Variants in ADGRD1 observed in about 807,000 individuals in gnomAD.
ADGRD1 encodes the protein adhesion G protein-coupled receptor D1.
A neutral mutation model predicts 113.4 loss-of-function variants in ADGRD1; 77 were observed. The observed-to-expected ratio is 0.68, with a 90% CI of 0.57 to 0.82. The LOEUF is 0.82. Among genes scored for constraint, ADGRD1 ranks in the 40% least tolerant of loss-of-function variants. ADGRD1 has a pLI of 0.00. For synonymous variants in ADGRD1, 474 were observed against 475.0 expected (o/e 1.00, Z 0.03); for missense variants, 1,036 against 1,139.1 (o/e 0.91, Z 1.30).
intron 13 of ADGRD1, among the ~76,000 whole-genome samples, chr12:131,058,701 C>T (rs1169296826): frequency 6.6e-6 from 1 of 152,198 alleles, no homozygotes; most frequent in Admixed American, 6.5e-5. Context: ...CCCTTCCATC[C>T]TCAGCAGTTT....
chr12:130,959,648 A>G (rs1870115388), intron 2 of ADGRD1, among the ~76,000 whole-genome samples: 1 of 152,214 alleles, frequency 6.6e-6, no homozygotes, highest in Admixed American at 6.5e-5. Context: ...AACCGCGTCA[A>G]TAAAGCTAGC....
chr12:131,123,090 TCTGTCGCCCAGG>T (rs1950643427), intron 20 of ADGRD1, among the ~76,000 whole-genome samples: 6 of 137,790 alleles, frequency 4.4e-5, no homozygotes, highest in Non-Finnish European at 9.4e-5. Flanking sequence ...GAGTCTTCGC[TCTGTCGCCCAGG>T]CTGGAGTGCA....
intron 15 of ADGRD1, among the ~76,000 whole-genome samples, chr12:131,101,377 CT>C (rs71095334): frequency 0.035 from 1,279 of 36,050 alleles, 2 homozygotes; most frequent in Admixed American, 0.055. Context: ...TTCTTTCTTT[CT>C]TTTTTTTTTT....
At chr12:131,000,268 T>C in intron 8 of ADGRD1, 115 bp from the exon 9 acceptor site, 1 of 786,402 alleles carries the variant, frequency 1.3e-6, no homozygotes, top group East Asian at 2.6e-5. Flanking sequence ...CTGCCGTGCA[T>C]AAAACTGAAC....
In ADGRD1 at chr12:131,027,855, A is replaced by G. The variant is rs1880146338; in HGVS notation, c.1473+13515A>G. On this transcript the variant is annotated intron_variant, in intron 13 of 24. Transcript: ENST00000261654. This position sits in a 1 kb window ranked among gnomAD's most constrained non-coding sequence, Gnocchi z 5.1. Reference sequence around the variant, plus strand: ...TTTTTACAAAGCGAACATACCCAAGAAATCACCCCTCAGGTCAAGAAGCAG... The same window carrying G: ...TTTTTACAAAGCGAACATACCCAAGGAATCACCCCTCAGGTCAAGAAGCAG... 6.6e-6 allele frequency: 1 copy of G among 152,228 alleles called. No homozygotes were observed. Among genetic ancestry groups the G allele is most frequent in the African/African-American group, 2.4e-5 (1 of 41,446 alleles). The allele number at this position is 152,228 out of a possible 1,614,324, so 9.4% of individuals were successfully genotyped here. A position where few individuals can be genotyped will look rare whatever the true frequency, so the allele number is the denominator to read the frequency against.
intron 13 of ADGRD1, among the ~76,000 whole-genome samples, chr12:131,048,440 G>A (rs73477387): frequency 0.019 from 2,899 of 152,282 alleles, 98 homozygotes; most frequent in African/African-American, 0.065. Flanking sequence ...GCTGTGGGGC[G>A]GCCCAGATGT....
At chr12:130,964,736 G>A (rs1870817044) in intron 2 of ADGRD1, among the ~76,000 whole-genome samples, 1 of 152,138 alleles carries the variant, frequency 6.6e-6, no homozygotes, top group Non-Finnish European at 1.5e-5. Flanking sequence ...ATCACAAACT[G>A]AATTTCCATA....
At chr12:131,012,385 G>T (rs1054149875) in intron 12 of ADGRD1, among the ~76,000 whole-genome samples, 5 of 151,990 alleles carry the variant, frequency 3.3e-5, no homozygotes, top group African/African-American at 9.7e-5. Context: ...GAGCAGTCGC[G>T]TCTGTTGTTA....
chr12:131,134,927 G>A (rs1250445226), intron 21 of ADGRD1, among the ~76,000 whole-genome samples: 1 of 152,208 alleles, frequency 6.6e-6, no homozygotes, highest in African/African-American at 2.4e-5. Context: ...AGTCTATGAG[G>A]GAGACAATCT....
chr12:130,980,377 T>G (rs1872813613), intron 4 of ADGRD1, among the ~76,000 whole-genome samples: 1 of 150,934 alleles, frequency 6.6e-6, no homozygotes, highest in South Asian at 2.1e-4. Flanking sequence ...GTGCTGGGAT[T>G]ACAGGCGTGA....
At chr12:131,033,208 G>A (rs1440648178) in intron 13 of ADGRD1, among the ~76,000 whole-genome samples, 1 of 152,214 alleles carries the variant, frequency 6.6e-6, no homozygotes, top group Non-Finnish European at 1.5e-5. Context: ...GCCGTTGGGT[G>A]GGTCCCCTGT....
At chr12:131,043,366 G>C (rs1277050415) in intron 13 of ADGRD1, among the ~76,000 whole-genome samples, 2 of 152,228 alleles carry the variant, frequency 1.3e-5, no homozygotes, top group South Asian at 2.1e-4. Context: ...AGTAGGAACC[G>C]CATCTTTGGG....
intron 13 of ADGRD1, among the ~76,000 whole-genome samples, chr12:131,032,563 G>A (rs972587446): frequency 1.3e-5 from 2 of 152,198 alleles, no homozygotes; most frequent in African/African-American, 4.8e-5. Context: ...AGCGGAGAGG[G>A]CTCTGCAGCT....
intron 13 of ADGRD1, among the ~76,000 whole-genome samples, chr12:131,040,821 T>C (rs1355855208): frequency 2.0e-5 from 3 of 152,262 alleles, no homozygotes; most frequent in Admixed American, 2.0e-4. Context: ...TGCCGGGCAG[T>C]GGTCTTTGCA....
In ADGRD1 at chr12:131,027,073, G is replaced by A. The variant is rs1378236366; in HGVS notation, c.1473+12733G>A. 1 of 152,200 alleles carries A rather than the reference G, an allele frequency of 6.6e-6. No individual in the cohort carries two copies. The highest frequency in any genetic ancestry group is 1.5e-5 in the Non-Finnish European group (1 of 68,052). 9.4% of individuals were successfully genotyped at this position (152,200 alleles called of 1,614,324 possible). A position where few individuals can be genotyped will look rare whatever the true frequency, so the allele number is the denominator to read the frequency against. ...AGCTGTTATTTCTCTAGGATTTGCT[G>A]TGAATGAGGGAAAAACGGTTGATTG... is the stretch of plus-strand genomic sequence containing the variant. On this transcript the variant is annotated intron_variant, in intron 13 of 24. Coordinates refer to ENST00000261654, the MANE Select transcript of ADGRD1 (RefSeq NM_198827.5). The surrounding 1 kb of genome is among the most constrained non-coding windows in gnomAD (Gnocchi z 5.1).
intron 8 of ADGRD1, among the ~76,000 whole-genome samples, chr12:130,997,112 A>G (rs1875583265): frequency 1.7e-5 from 2 of 116,658 alleles, no homozygotes; most frequent in African/African-American, 3.4e-5. Flanking sequence ...CACCTCCTGG[A>G]CGGGGCGGCT....
intron 3 of ADGRD1, chr12:130,968,692 T>C: frequency 2.3e-6 from 1 of 440,752 alleles, no homozygotes; most frequent in Non-Finnish European, 4.1e-6. Context: ...AGTATCTGCC[T>C]ATGTGTTGGA....
At chr12:130,975,819 A>T (rs1872238140) in intron 4 of ADGRD1, among the ~76,000 whole-genome samples, 1 of 152,150 alleles carries the variant, frequency 6.6e-6, no homozygotes, top group Admixed American at 6.5e-5. Flanking sequence ...GTTATTTCTG[A>T]TATTGGGCTA....
intron 3 of ADGRD1, chr12:130,968,662 A>C (rs1404114201): frequency 3.0e-6 from 1 of 337,770 alleles, no homozygotes; most frequent in Non-Finnish European, 5.4e-6. Flanking sequence ...GGCCAAGTTC[A>C]ATTTCATATC....
Sources: allele counts gnomAD v4.1 joint callset (sites outside exome capture counted in the v4.1 genomes callset), GRCh38; gene constraint gnomAD v4.1.1; non-coding constraint Gnocchi (gnomAD v3.1); transcripts MANE v1.5; gene names NCBI Gene and HGNC (gene_info 2026-07-23, HGNC 2026-07-21).